The following PRKCE variants were observed in gnomAD, a reference collection of about 807,000 sequenced individuals.
PRKCE encodes protein kinase C epsilon, also known as protein kinase C epsilon type.
A neutral mutation model predicts 85.4 loss-of-function variants in PRKCE; 16 were observed. The observed-to-expected ratio is 0.19, with a 90% CI of 0.13 to 0.28. The LOEUF is 0.28. PRKCE is among the 10% of genes least tolerant of loss of function. The pLI, the probability that PRKCE is intolerant of heterozygous loss-of-function variation, is 1.00. For synonymous variants in PRKCE, 388 were observed against 371.5 expected (o/e 1.04, Z -0.51); for missense variants, 573 against 975.2 (o/e 0.59, Z 5.49).
chr2:46,074,428 CCA>C (rs1558423498), intron 10 of PRKCE, among the ~76,000 whole-genome samples: 2 of 26,690 alleles, frequency 7.5e-5, no homozygotes, highest in Non-Finnish European at 1.5e-4. Flanking sequence ...ACAACAACAA[CCA>C]AAAAAAAAAA....
chr2:45,719,276 T>A (rs530295007), intron 1 of PRKCE, among the ~76,000 whole-genome samples: 1 of 152,246 alleles, frequency 6.6e-6, no homozygotes, highest in Admixed American at 6.5e-5. Context: ...TTTCATCAGA[T>A]TGACATCTAA....
At chr2:45,885,760 G>T (rs570733233) in intron 2 of PRKCE, among the ~76,000 whole-genome samples, 53 of 152,284 alleles carry the variant, frequency 3.5e-4, no homozygotes, top group African/African-American at 1.3e-3. Context: ...GTGTAAAATG[G>T]TTTCTCTTAC....
At chr2:46,060,456 C>G (rs1574361579) in intron 10 of PRKCE, among the ~76,000 whole-genome samples, 1 of 152,166 alleles carries the variant, frequency 6.6e-6, no homozygotes, top group Non-Finnish European at 1.5e-5. Flanking sequence ...TCTGGGAGCT[C>G]TCCTGCTCCT....
intron 10 of PRKCE, among the ~76,000 whole-genome samples, chr2:46,070,854 A>G (rs1214825526): frequency 6.6e-6 from 1 of 152,102 alleles, no homozygotes; most frequent in Non-Finnish European, 1.5e-5. Flanking sequence ...GGATGTTAAC[A>G]TTTGCTTTCA....
At chr2:45,748,036 T>A (rs1350433278) in intron 1 of PRKCE, among the ~76,000 whole-genome samples, 1 of 152,198 alleles carries the variant, frequency 6.6e-6, no homozygotes, top group Non-Finnish European at 1.5e-5. Context: ...TGTTATTAAG[T>A]TATAGGGGTT....
intron 2 of PRKCE, among the ~76,000 whole-genome samples, chr2:45,939,594 C>T (rs907244589): frequency 2.0e-5 from 3 of 151,364 alleles, no homozygotes; most frequent in African/African-American, 7.3e-5. Flanking sequence ...CTCACTCTAT[C>T]GCTAGGCTGG....
intron 2 of PRKCE, among the ~76,000 whole-genome samples, chr2:45,934,648 C>CA (rs34473239): frequency 0.31 from 41,368 of 131,866 alleles, 6,311 homozygotes; most frequent in South Asian, 0.41. Context: ...GACTCTGCCT[C>CA]AAAAAAAAAA....
chr2:45,950,348 T>G (rs985966042), intron 2 of PRKCE, among the ~76,000 whole-genome samples: 2 of 152,232 alleles, frequency 1.3e-5, no homozygotes, highest in African/African-American at 4.8e-5. Context: ...TACCCCATCA[T>G]GGGACATCAG....
chr2:45,809,353 C>T (rs373872976), intron 1 of PRKCE, among the ~76,000 whole-genome samples: 1 of 152,192 alleles, frequency 6.6e-6, no homozygotes, highest in Non-Finnish European at 1.5e-5. Context: ...TAGAATGTGA[C>T]CTTGAGAAGC....
intron 3 of PRKCE, among the ~76,000 whole-genome samples, chr2:45,977,398 A>C (rs1252333392): frequency 6.6e-6 from 1 of 152,090 alleles, no homozygotes; most frequent in African/African-American, 2.4e-5. Context: ...GCACTTTGGG[A>C]GGCCGAGGCA....
At chr2:45,661,978 C>T (rs889224117) in intron 1 of PRKCE, among the ~76,000 whole-genome samples, 2 of 152,092 alleles carry the variant, frequency 1.3e-5, no homozygotes, top group Non-Finnish European at 2.9e-5. Flanking sequence ...AGTCTTCTTT[C>T]CCCAGGCAGA....
intron 1 of PRKCE, among the ~76,000 whole-genome samples, chr2:45,791,986 C>A (rs1402618027): frequency 6.6e-6 from 1 of 152,240 alleles, no homozygotes; most frequent in African/African-American, 2.4e-5. Context: ...TTAGTTGACA[C>A]ACAGTGTTTT....
intron 1 of PRKCE, among the ~76,000 whole-genome samples, chr2:45,816,242 T>C (rs565844452): frequency 6.6e-6 from 1 of 152,296 alleles, no homozygotes; most frequent in Admixed American, 6.5e-5. Context: ...GGGGCTTTAC[T>C]TACCTCTTTG....
At chr2:45,957,319 A>AT (rs1558883625) in intron 2 of PRKCE, among the ~76,000 whole-genome samples, 1 of 152,176 alleles carries the variant, frequency 6.6e-6, no homozygotes, top group African/African-American at 2.4e-5. Context: ...GTCTATGCTT[A>AT]TTTTTTATGC....
At chr2:45,749,071 G>A (rs1466831550) in intron 1 of PRKCE, among the ~76,000 whole-genome samples, 4 of 152,022 alleles carry the variant, frequency 2.6e-5, no homozygotes, top group African/African-American at 9.7e-5. Context: ...TGTATTTTTA[G>A]TAGAGACGGG....
intron 11 of PRKCE, among the ~76,000 whole-genome samples, chr2:46,100,723 T>C (rs572624674): frequency 5.0e-4 from 76 of 152,352 alleles, no homozygotes; most frequent in African/African-American, 1.8e-3. Flanking sequence ...CAGACATTCA[T>C]TTATTCACTC....
intron 1 of PRKCE, among the ~76,000 whole-genome samples, chr2:45,795,352 AG>A (rs1292588641): frequency 2.0e-5 from 3 of 152,182 alleles, no homozygotes; most frequent in African/African-American, 7.2e-5. Context: ...CTTGTCACCC[AG>A]GCTGGAGTGC....
At chr2:46,069,104 A>G (rs1042573766) in intron 10 of PRKCE, among the ~76,000 whole-genome samples, 4 of 152,242 alleles carry the variant, frequency 2.6e-5, no homozygotes, top group African/African-American at 4.8e-5. Flanking sequence ...CCAAATGACA[A>G]TGGAGATGCT....
chr2:46,004,743 C>G lies in PRKCE; in HGVS notation c.1063+105C>G, dbSNP rs1705020627. On this transcript the variant is annotated intron_variant, in intron 8 of 14. Transcript: ENST00000306156. This position sits in a 1 kb window ranked among gnomAD's most constrained non-coding sequence, Gnocchi z 4.1. ...AGAGTGAGCTTGTTAGCTGAAATAG[C>G]TAGCAGCCCTGGTGGGTTTTCACAC... 2 of 980,956 alleles carry G rather than the reference C, an allele frequency of 2.0e-6. No homozygotes were observed. Among genetic ancestry groups the G allele is most frequent in the Non-Finnish European group, 3.1e-6 (2 of 650,042 alleles). 60.8% of individuals were successfully genotyped at this position (980,956 alleles called of 1,614,324 possible).
Sources: allele counts gnomAD v4.1 joint callset (sites outside exome capture counted in the v4.1 genomes callset), GRCh38; gene constraint gnomAD v4.1.1; non-coding constraint Gnocchi (gnomAD v3.1); transcripts MANE v1.5; gene names NCBI Gene and HGNC (gene_info 2026-07-23, HGNC 2026-07-21).